VRK2: variants seen among roughly 807,000 people sequenced by gnomAD.
VRK2 encodes the protein VRK serine/threonine kinase 2, also known as serine/threonine-protein kinase VRK2.
A neutral mutation model predicts 57.6 loss-of-function variants in VRK2; 60 were observed. That is an observed-to-expected ratio of 1.04 (90% confidence interval 0.85 to 1.29). VRK2 has a LOEUF of 1.29. Ranked by LOEUF, VRK2 falls within the 50% of genes most tolerant of loss-of-function variation. The probability of loss-of-function intolerance (pLI) is 0.00; values close to 1 mark genes in which losing one functional copy is unlikely to be tolerated. For synonymous variants in VRK2, 231 were observed against 199.2 expected (o/e 1.16, Z -1.35); for missense variants, 705 against 588.1 (o/e 1.20, Z -2.06).
intron 1 of VRK2, among the ~76,000 whole-genome samples, chr2:57,936,508 G>T (rs1478309001): frequency 9.2e-5 from 13 of 141,732 alleles, no homozygotes; most frequent in African/African-American, 3.2e-4. Context: ...TCATTTTTTT[G>T]TTTTGTTTTG....
intron 12 of VRK2, among the ~76,000 whole-genome samples, chr2:58,151,667 T>TTAC (rs1233035559): frequency 2.0e-5 from 3 of 149,898 alleles, no homozygotes; most frequent in Non-Finnish European, 4.5e-5. Context: ...TTGTCCCTTT[T>TTAC]TACCTCCCTC....
Position 57,961,918 on chromosome 2 carries a change from T to C in VRK2, c.-439+54079T>C, listed in dbSNP as rs149681840. Among the ~76,000 whole-genome samples the C allele has an allele frequency of 9.8e-3, 1,489 of 151,938 alleles. 12 individuals are homozygous for C. Among genetic ancestry groups the C allele is most frequent in the Middle Eastern group, 0.068 (20 of 292 alleles). On this transcript the variant is annotated intron_variant, in intron 1 of 15. Coordinates refer to the VRK2 transcript ENST00000417641. Reference sequence around the variant, plus strand: ...ATGGTGAAACCCTGTCTCTACAAAATAGACAAAAATTAGCTGGGCACGGTG... The same window carrying C: ...ATGGTGAAACCCTGTCTCTACAAAACAGACAAAAATTAGCTGGGCACGGTG...
intron 8 of VRK2, among the ~76,000 whole-genome samples, chr2:58,124,782 T>C: frequency 6.6e-6 from 1 of 152,148 alleles, no homozygotes; most frequent in East Asian, 1.9e-4. Context: ...ATAGGCTTGA[T>C]TTTCTGAAAC....
At chr2:57,921,997 C>G (rs1269016044) in intron 1 of VRK2, among the ~76,000 whole-genome samples, 1 of 152,026 alleles carries the variant, frequency 6.6e-6, no homozygotes, top group Non-Finnish European at 1.5e-5. Context: ...TGCTCAGCCT[C>G]TAGTTTTAGT....
At chr2:58,055,862 A>T in intron 2 of VRK2, among the ~76,000 whole-genome samples, 1 of 152,226 alleles carries the variant, frequency 6.6e-6, no homozygotes, top group Non-Finnish European at 1.5e-5. Flanking sequence ...CTTTCTCCTC[A>T]ATGCAGAAAA....
intron 1 of VRK2, among the ~76,000 whole-genome samples, chr2:58,019,993 C>T (rs909383931): frequency 2.0e-5 from 3 of 152,032 alleles, no homozygotes; most frequent in South Asian, 2.1e-4. Flanking sequence ...GACATAACTA[C>T]GAATAAACAT....
chr2:57,933,479 AT>A (rs1335789295), intron 1 of VRK2, among the ~76,000 whole-genome samples: 5 of 150,518 alleles, frequency 3.3e-5, no homozygotes, highest in Admixed American at 1.3e-4. Context: ...CGCCCAGCTA[AT>A]TTTTGTATTT....
chr2:57,947,867 T>A (rs1216070287), intron 1 of VRK2, among the ~76,000 whole-genome samples: 1 of 152,204 alleles, frequency 6.6e-6, no homozygotes, highest in Non-Finnish European at 1.5e-5. Context: ...TATACACTTT[T>A]CCTTTTCTCT....
chr2:57,990,066 C>T (rs1672715040), intron 1 of VRK2, among the ~76,000 whole-genome samples: 1 of 152,118 alleles, frequency 6.6e-6, no homozygotes, highest in African/African-American at 2.4e-5. Flanking sequence ...AAAAGAATGG[C>T]AACTTTTTCC....
chr2:58,113,389 AG>A (rs1315183118), intron 7 of VRK2, among the ~76,000 whole-genome samples: 1 of 151,668 alleles, frequency 6.6e-6, no homozygotes, highest in Non-Finnish European at 1.5e-5. Context: ...CTTCAGAGAG[AG>A]CCCCTCCTGC....
intron 1 of VRK2, among the ~76,000 whole-genome samples, chr2:57,987,798 T>G (rs1378529861): frequency 6.6e-6 from 1 of 152,140 alleles, no homozygotes; most frequent in Non-Finnish European, 1.5e-5. Context: ...CTCCATTCAA[T>G]AAAATACTGC....
chr2:58,058,192 T>A (rs1413829071), intron 2 of VRK2, among the ~76,000 whole-genome samples: 1 of 152,108 alleles, frequency 6.6e-6, no homozygotes, highest in East Asian at 1.9e-4. Context: ...AGTATATTCA[T>A]GAATTAATTT....
chr2:57,986,598 T>A (rs1672602185), intron 1 of VRK2, among the ~76,000 whole-genome samples: 1 of 128,786 alleles, frequency 7.8e-6, no homozygotes, highest in African/African-American at 4.0e-5. Flanking sequence ...TTCAATCGAT[T>A]TTTTTTTTTT....
chr2:58,154,001 T>C (rs1303251224), intron 12 of VRK2, among the ~76,000 whole-genome samples: 1 of 152,124 alleles, frequency 6.6e-6, no homozygotes, highest in East Asian at 1.9e-4. Flanking sequence ...ATTTTTATTA[T>C]TTCATCTTGA....
intron 1 of VRK2, among the ~76,000 whole-genome samples, chr2:57,956,636 GA>G (rs1671595034): frequency 6.6e-6 from 1 of 152,112 alleles, no homozygotes. Flanking sequence ...GTCTTCGTAT[GA>G]AGAACCATAC....
intron 1 of VRK2, among the ~76,000 whole-genome samples, chr2:57,935,611 C>T (rs1356127647): frequency 1.3e-5 from 2 of 152,108 alleles, no homozygotes; most frequent in African/African-American, 2.4e-5. Context: ...AGCTTCCTGG[C>T]AGAGTTCACA....
chr2:58,006,061 C>T (rs1224235891), intron 1 of VRK2, among the ~76,000 whole-genome samples: 1 of 152,162 alleles, frequency 6.6e-6, no homozygotes, highest in African/African-American at 2.4e-5. Flanking sequence ...CCAGCATCCC[C>T]CTAGAGGTAA....
intron 8 of VRK2, among the ~76,000 whole-genome samples, chr2:58,128,891 C>A (rs1001899055): frequency 2.0e-5 from 3 of 152,082 alleles, no homozygotes; most frequent in African/African-American, 7.2e-5. Context: ...TTTAATTATG[C>A]GTTCTACTAT....
intron 10 of VRK2, among the ~76,000 whole-genome samples, chr2:58,138,877 A>G (rs1680917576): frequency 6.6e-6 from 1 of 152,192 alleles, no homozygotes; most frequent in South Asian, 2.1e-4. Flanking sequence ...TTGAACCTCA[A>G]CATGAAACAG....
Sources: gnomAD v4.1 joint callset for allele counts (sites outside exome capture counted in the v4.1 genomes callset) on GRCh38, gnomAD v4.1.1 for gene constraint, MANE v1.5 for transcripts, NCBI Gene and HGNC (gene_info 2026-07-23, HGNC 2026-07-21) for gene names.